Variants in LARP1 observed in about 807,000 individuals in gnomAD.
The protein encoded by LARP1 is la-related protein 1.
A neutral mutation model predicts 122.7 loss-of-function variants in LARP1; 36 were observed. The ratio of observed to expected loss-of-function variants is 0.29; its 90% CI spans 0.22 to 0.39. The LOEUF is 0.39. LARP1 is among the 10% of genes least tolerant of loss of function. The pLI is 1.00. For missense variants in LARP1, 1,040 were observed against 1,403.6 expected, an observed-to-expected ratio of 0.74 and a Z score of 4.14; for synonymous variants, 539 against 528.7, an observed-to-expected ratio of 1.02 and a Z score of -0.27.
intron 16 of LARP1, among the ~76,000 whole-genome samples, chr5:154,811,005 A>G (rs988840891): frequency 1.3e-5 from 2 of 152,240 alleles, no homozygotes; most frequent in African/African-American, 4.8e-5. Flanking sequence ...TAGATACTTC[A>G]TAAAAGAATA....
rs575012799 is a variant in LARP1, at chr5:154,806,068, G to A, written c.2698+36G>A. ...TGGGGGGCAGGAGATGAGCCTCTGG[G>A]CCCGTTATTTAGACCCAGAGTATAA... On this transcript the variant is annotated intron_variant, in intron 15 of 18. Coordinates refer to ENST00000518297, the MANE Select transcript of LARP1 (RefSeq NM_033551.3). 121 of 1,606,958 alleles carry A rather than the reference G, an allele frequency of 7.5e-5. No individual in the cohort carries two copies. In the South Asian group the frequency reaches 1.0e-3, roughly 13 times the overall value.
chr5:154,782,585 C>T (rs550978963), intron 1 of LARP1, among the ~76,000 whole-genome samples: 3 of 152,250 alleles, frequency 2.0e-5, no homozygotes, highest in South Asian at 4.1e-4. Flanking sequence ...CTCCTCCTCC[C>T]GGGCCAAGGG....
At chr5:154,805,698 G>C (rs1284701356) in intron 14 of LARP1, 183 bp from the exon 15 acceptor site, 2 of 625,354 alleles carry the variant, frequency 3.2e-6, no homozygotes, top group Non-Finnish European at 5.6e-6. Context: ...AAAACTCTCT[G>C]AGAGTTGATG....
intron 1 of LARP1, among the ~76,000 whole-genome samples, chr5:154,766,939 A>G (rs1561581231): frequency 1.3e-5 from 2 of 152,214 alleles, no homozygotes; most frequent in Admixed American, 6.5e-5. Flanking sequence ...AGGTCATTCA[A>G]TCTAAACCTC....
upstream of LARP1, among the ~76,000 whole-genome samples, chr5:154,751,093 T>A (rs149700029): frequency 2.3e-3 from 349 of 152,302 alleles, 1 homozygote; most frequent in African/African-American, 8.3e-3. Context: ...AAGATAGGAT[T>A]CAACTTGTTT....
chr5:154,708,314 C>T (rs890275470), upstream of LARP1, among the ~76,000 whole-genome samples: 1 of 152,184 alleles, frequency 6.6e-6, no homozygotes, highest in Non-Finnish European at 1.5e-5. Context: ...TGGTCGTTGT[C>T]CCCTGAAGTG....
intron 1 of LARP1, among the ~76,000 whole-genome samples, chr5:154,684,835 G>C (rs1213902296): frequency 1.3e-5 from 2 of 152,178 alleles, no homozygotes; most frequent in African/African-American, 4.8e-5. Context: ...CTCATGGCAG[G>C]CCCTCTGTAA....
Position 154,755,429 on chromosome 5 carries a change from G to T in LARP1, c.-329G>T. 2 of 470,506 alleles carry T rather than the reference G, an allele frequency of 4.3e-6. No individual in the cohort carries two copies. Among genetic ancestry groups the T allele is most frequent in the Non-Finnish European group, 5.6e-6 (2 of 359,646 alleles). The allele number at this position is 470,506 out of a possible 1,614,324, so 29.1% of individuals were successfully genotyped here. A position where few individuals can be genotyped will look rare whatever the true frequency, so the allele number is the denominator to read the frequency against. On this transcript the variant is annotated 5_prime_UTR_variant, in exon 1 of 19. Transcript: ENST00000518297. ...GGAAGCCCGGGCCGCCCCGGGGGCG[G>T]GGGGGAGGGAGGGACGGGACTAGAA...
chr5:154,794,399 G>T, intron 7 of LARP1, 137 bp downstream of exon 7: 1 of 764,448 alleles, frequency 1.3e-6, no homozygotes, highest in Non-Finnish European at 2.1e-6. Context: ...TTTTCTCATT[G>T]TTTATTAAAG....
At chr5:154,790,275 C>A in intron 1 of LARP1, 50 bp from the exon 2 acceptor site, 1 of 1,499,460 alleles carries the variant, frequency 6.7e-7, no homozygotes, top group Non-Finnish European at 9.2e-7. Context: ...CTGGCAGTAG[C>A]CCCCTCACAT....
chr5:154,762,785 C>T (rs544633347), intron 1 of LARP1, among the ~76,000 whole-genome samples: 74 of 152,300 alleles, frequency 4.9e-4, no homozygotes, highest in African/African-American at 1.8e-3. Context: ...ACATACATTC[C>T]AGCCACTCAA....
intron 1 of LARP1, among the ~76,000 whole-genome samples, chr5:154,690,580 CG>C (rs1754145473): frequency 6.6e-6 from 1 of 152,202 alleles, no homozygotes; most frequent in African/African-American, 2.4e-5. Flanking sequence ...GAACTCGGTC[CG>C]CCCGGCCCCA....
chr5:154,741,840 A>T (rs572627085), intron 1 of LARP1, among the ~76,000 whole-genome samples: 12 of 152,244 alleles, frequency 7.9e-5, no homozygotes, highest in African/African-American at 2.9e-4. Flanking sequence ...ACATACTGTA[A>T]CATTTCCTGC....
chr5:154,770,318 T>C (rs2113655445), intron 1 of LARP1, among the ~76,000 whole-genome samples: 1 of 152,004 alleles, frequency 6.6e-6, no homozygotes, highest in African/African-American at 2.4e-5. Context: ...TCGTATTTCC[T>C]CCTCACTTCT....
upstream of LARP1, among the ~76,000 whole-genome samples, chr5:154,750,773 AATTTATTT>A (rs905757466): frequency 4.6e-5 from 7 of 151,736 alleles, no homozygotes; most frequent in African/African-American, 1.5e-4. Context: ...ACACCTGGCT[AATTTATTT>A]ATTTATTTAT....
intron 1 of LARP1, among the ~76,000 whole-genome samples, chr5:154,730,774 G>A (rs1756510406): frequency 6.7e-6 from 1 of 149,920 alleles, no homozygotes; most frequent in East Asian, 2.0e-4. Context: ...GCCCAGCCAA[G>A]TGATTATATT....
intron 1 of LARP1, among the ~76,000 whole-genome samples, chr5:154,684,552 TC>T: frequency 6.6e-6 from 1 of 152,244 alleles, no homozygotes; most frequent in Middle Eastern, 3.4e-3. Context: ...CCCTAGACCC[TC>T]CTGCCTTTGA....
intron 1 of LARP1, among the ~76,000 whole-genome samples, chr5:154,699,472 T>A (rs1269126594): frequency 1.4e-5 from 2 of 144,546 alleles, no homozygotes; most frequent in Non-Finnish European, 3.0e-5. Context: ...ATGGGCAACA[T>A]AGCAAGACCC....
chr5:154,811,051 T>A (rs1486479507), intron 16 of LARP1, among the ~76,000 whole-genome samples, 196 bp from the exon 17 acceptor site: 1 of 152,220 alleles, frequency 6.6e-6, no homozygotes, highest in African/African-American at 2.4e-5. Flanking sequence ...GGGACAGAGT[T>A]CCTTGACTGC....
Sources: allele counts gnomAD v4.1 joint callset (sites outside exome capture counted in the v4.1 genomes callset), GRCh38; gene constraint gnomAD v4.1.1; transcripts MANE v1.5; gene names NCBI Gene and HGNC (gene_info 2026-07-23, HGNC 2026-07-21).